Variants in PHTF2 observed in about 807,000 individuals in gnomAD.
PHTF2 encodes protein PHTF2.
Under a neutral mutation model 101.2 loss-of-function variants are expected in PHTF2, and 60 were observed. The ratio of observed to expected loss-of-function variants is 0.59; its 90% confidence interval spans 0.48 to 0.73. The LOEUF (loss-of-function observed/expected upper bound fraction) is 0.73. Among genes scored for constraint, PHTF2 ranks in the 30% least tolerant of loss-of-function variants. The probability of loss-of-function intolerance (pLI) is 0.00; values close to 1 mark genes in which losing one functional copy is unlikely to be tolerated. For missense variants in PHTF2, 747 were observed against 908.7 expected, an observed-to-expected ratio of 0.82 and a Z score of 2.29; for synonymous variants, 311 against 307.3, an observed-to-expected ratio of 1.01 and a Z score of -0.13.
chr7:77,943,019 T>C (rs1805755656), intron 16 of PHTF2, among the ~76,000 whole-genome samples: 1 of 152,254 alleles, frequency 6.6e-6, no homozygotes, highest in African/African-American at 2.4e-5. Flanking sequence ...AATTTTTGCC[T>C]AGAATCCTTC....
chr7:77,871,745 G>C (rs1303397327), intron 3 of PHTF2, among the ~76,000 whole-genome samples: 1 of 152,166 alleles, frequency 6.6e-6, no homozygotes, highest in Non-Finnish European at 1.5e-5. Context: ...CAATCCAGCT[G>C]CTTCAGAATG....
Position 77,937,691 on chromosome 7 carries a change from ATTTTT to A in PHTF2, c.1339-9_1339-5del. On this transcript the variant is annotated splice_polypyrimidine_tract_variant and intron_variant, in intron 12 of 19. Coordinates refer to ENST00000416283, the Ensembl canonical transcript of PHTF2. ...TTAAATGTGATCTATATATTTACTA[ATTTTT>A]TTTTTTTTTATAGAGTCATTTGCCC... is the stretch of plus-strand genomic sequence containing the variant. 2.2e-6 allele frequency: 2 copies of A among 895,424 alleles called. No homozygotes were observed. Among genetic ancestry groups the A allele is most frequent in the Non-Finnish European group, 1.5e-6 (1 of 653,338 alleles). 55.5% of individuals were successfully genotyped at this position (895,424 alleles called of 1,614,324 possible).
At chr7:77,910,902 C>T (rs1335278460) in intron 9 of PHTF2, among the ~76,000 whole-genome samples, 6 of 152,110 alleles carry the variant, frequency 3.9e-5, no homozygotes, top group African/African-American at 9.7e-5. Context: ...CCACCGAACC[C>T]GGCCAGGATT....
intron 1 of PHTF2, among the ~76,000 whole-genome samples, 174 bp downstream of exon 1, chr7:77,799,145 G>A (rs1335502593): frequency 6.6e-6 from 1 of 152,158 alleles, no homozygotes; most frequent in Admixed American, 6.5e-5. Context: ...GCAGTCTCCC[G>A]TACCTGAGGG....
chr7:77,940,179 T>G, exon 14 of PHTF2: 2 of 1,613,796 alleles, frequency 1.2e-6, no homozygotes, highest in Non-Finnish European at 8.5e-7. Flanking sequence ...TTTATGTGAT[T>G]GCATTTGGTT....
chr7:77,895,349 A>G (rs1461192569), intron 5 of PHTF2, among the ~76,000 whole-genome samples: 1 of 152,158 alleles, frequency 6.6e-6, no homozygotes, highest in Non-Finnish European at 1.5e-5. Context: ...AAATAAAGAG[A>G]TGCAAGTAAA....
chr7:77,885,927 C>G (rs1799803927), intron 3 of PHTF2, among the ~76,000 whole-genome samples: 1 of 152,018 alleles, frequency 6.6e-6, no homozygotes, highest in South Asian at 2.1e-4. Flanking sequence ...TTCAGAGTTT[C>G]TTAAATGAGA....
intron 1 of PHTF2, among the ~76,000 whole-genome samples, chr7:77,825,749 G>C (rs1794653577): frequency 6.6e-6 from 1 of 152,184 alleles, no homozygotes; most frequent in South Asian, 2.1e-4. Context: ...GTTAGGGGTG[G>C]CCGAGCAGAA....
At chr7:77,934,951 C>T (rs576235622) in intron 12 of PHTF2, among the ~76,000 whole-genome samples, 1 of 129,262 alleles carries the variant, frequency 7.7e-6, no homozygotes, top group Non-Finnish European at 1.7e-5. Flanking sequence ...AACACAGTCT[C>T]AAAAAAAAAA....
intron 3 of PHTF2, among the ~76,000 whole-genome samples, chr7:77,884,931 T>C (rs1199177618): frequency 1.3e-5 from 2 of 151,096 alleles, no homozygotes; most frequent in African/African-American, 4.9e-5. Context: ...AATAAAAATA[T>C]GGGATGTTTG....
At chr7:77,897,135 T>G (rs1274066433) in intron 5 of PHTF2, among the ~76,000 whole-genome samples, 1 of 152,010 alleles carries the variant, frequency 6.6e-6, no homozygotes, top group African/African-American at 2.4e-5. Flanking sequence ...CTTAAAAAGC[T>G]TATAAAGTCA....
At chr7:77,838,790 TTGTC>T (rs1375585178) in intron 1 of PHTF2, among the ~76,000 whole-genome samples, 1 of 152,176 alleles carries the variant, frequency 6.6e-6, no homozygotes, top group Non-Finnish European at 1.5e-5. Flanking sequence ...GTTAGGCTGT[TTGTC>T]AGGAATTTCA....
chr7:77,908,613 T>C (rs1802082118), intron 7 of PHTF2, among the ~76,000 whole-genome samples, 180 bp from the exon 7 acceptor site: 1 of 152,160 alleles, frequency 6.6e-6, no homozygotes, highest in African/African-American at 2.4e-5. Flanking sequence ...CTAAATACCA[T>C]GGTTAGGCTG....
At chr7:77,920,503 T>G in intron 10 of PHTF2, 38 bp downstream of exon 9, 2 of 1,491,162 alleles carry the variant, frequency 1.3e-6, no homozygotes, top group Non-Finnish European at 1.9e-6. Context: ...CTATGTGATT[T>G]TATATTAGCC....
intron 18 of PHTF2, among the ~76,000 whole-genome samples, chr7:77,952,819 G>A (rs1250472627): frequency 1.3e-5 from 2 of 152,230 alleles, no homozygotes; most frequent in African/African-American, 4.8e-5. Flanking sequence ...AACATAGATC[G>A]TACCTTCTTT....
At chr7:77,803,686 GGC>G (rs1343852247) in intron 1 of PHTF2, among the ~76,000 whole-genome samples, 9 of 140,676 alleles carry the variant, frequency 6.4e-5, no homozygotes, top group Non-Finnish European at 9.1e-5. Flanking sequence ...GAGTTGAACA[GGC>G]GTGTGTGTGT....
At chr7:77,806,349 C>T (rs989572709) in intron 1 of PHTF2, among the ~76,000 whole-genome samples, 4 of 152,084 alleles carry the variant, frequency 2.6e-5, no homozygotes, top group Non-Finnish European at 1.5e-5. Context: ...AGTTCTATTG[C>T]TAGGTGCATG....
intron 7 of PHTF2, among the ~76,000 whole-genome samples, chr7:77,907,566 C>A (rs1328995258): frequency 6.6e-6 from 1 of 152,036 alleles, no homozygotes; most frequent in Non-Finnish European, 1.5e-5. Flanking sequence ...ATTGTCCAAC[C>A]CAAGTTTACT....
intron 17 of PHTF2, among the ~76,000 whole-genome samples, chr7:77,951,096 A>G (rs917476705): frequency 7.2e-5 from 11 of 152,224 alleles, no homozygotes; most frequent in African/African-American, 2.2e-4. Flanking sequence ...AAAATTATCT[A>G]TTATAGAGTG....
Sources: allele counts gnomAD v4.1 joint callset (sites outside exome capture counted in the v4.1 genomes callset), GRCh38; gene constraint gnomAD v4.1.1; transcripts MANE v1.5; gene names NCBI Gene and HGNC (gene_info 2026-07-23, HGNC 2026-07-21).